Variants in MAJIN observed in about 807,000 individuals in gnomAD.
MAJIN encodes the protein membrane-anchored junction protein.
In MAJIN, 27 loss-of-function variants were observed where a neutral mutation model predicts 30.2. The ratio of observed to expected loss-of-function variants is 0.89; its 90% CI spans 0.66 to 1.23. The LOEUF (loss-of-function observed/expected upper bound fraction) is 1.23. MAJIN is among the 50% of genes most tolerant of loss of function. The pLI, the probability that MAJIN is intolerant of heterozygous loss-of-function variation, is 0.00. For synonymous variants in MAJIN, 78 were observed against 91.6 expected (o/e 0.85, Z 0.85); for missense variants, 253 against 260.3 (o/e 0.97, Z 0.19).
intron 5 of MAJIN, 90 bp downstream of exon 5, chr11:64,950,265 G>A: frequency 9.1e-7 from 1 of 1,097,870 alleles, no homozygotes; most frequent in Non-Finnish European, 1.3e-6. Context: ...GGGAGGCTGA[G>A]GTTGCAGTGA....
At chr11:64,958,537 T>C (rs1017199984) in intron 3 of MAJIN, among the ~76,000 whole-genome samples, 18 of 145,780 alleles carry the variant, frequency 1.2e-4, no homozygotes, top group Non-Finnish European at 2.5e-4. Flanking sequence ...GAGGATCCCT[T>C]GAGCCCAGCA....
Position 64,947,363 on chromosome 11 carries a change from A to C in MAJIN, c.473+11T>G. The C allele has an allele frequency of 6.2e-7, 1 of 1,606,556 alleles. No individual in the cohort carries two copies. Among genetic ancestry groups the C allele is most frequent in the East Asian group, 2.2e-5 (1 of 44,712 alleles). ...GACGCAGGAGCGAGCCTCTCTCCCC[A>C]CACCACTGACCTGTCCAGCCCTGGC... is the stretch of plus-strand genomic sequence containing the variant. On this transcript the variant is annotated intron_variant, in intron 8 of 10. Coordinates refer to ENST00000301896, the MANE Select transcript of MAJIN (RefSeq NM_001037225.3).
At chr11:64,950,703 T>A (rs1223120088) in intron 4 of MAJIN, among the ~76,000 whole-genome samples, 1 of 152,064 alleles carries the variant, frequency 6.6e-6, no homozygotes, top group Admixed American at 6.6e-5. Context: ...CACCTCAGCC[T>A]CCCCAGTAAC....
chr11:64,940,335 C>G (rs1254725095), intron 9 of MAJIN, among the ~76,000 whole-genome samples: 2 of 152,160 alleles, frequency 1.3e-5, no homozygotes, highest in Non-Finnish European at 2.9e-5. Context: ...ACTTCACTAT[C>G]AGAAGCAGAG....
At chr11:64,969,475 A>C (rs1590711195) in intron 1 of MAJIN, among the ~76,000 whole-genome samples, 2 of 150,778 alleles carry the variant, frequency 1.3e-5, no homozygotes, top group African/African-American at 4.9e-5. Flanking sequence ...AAACGACATG[A>C]CCAGATGGCT....
intron 10 of MAJIN, among the ~76,000 whole-genome samples, chr11:64,939,205 C>G (rs963627781): frequency 1.3e-5 from 2 of 152,202 alleles, no homozygotes; most frequent in African/African-American, 4.8e-5. Context: ...TCAAGCGATT[C>G]TCCTGCCTCA....
intron 3 of MAJIN, among the ~76,000 whole-genome samples, chr11:64,955,322 G>GAA (rs35508935): frequency 2.0e-5 from 3 of 150,582 alleles, no homozygotes; most frequent in Non-Finnish European, 3.0e-5. Flanking sequence ...TGAGGAAGCA[G>GAA]AAAAAAAAAG....
chr11:64,952,054 A>AT (rs1314675308), intron 4 of MAJIN, among the ~76,000 whole-genome samples: 1 of 151,800 alleles, frequency 6.6e-6, no homozygotes, highest in Non-Finnish European at 1.5e-5. Context: ...CGCCCAGCTA[A>AT]TTTTTTGTAT....
chr11:64,942,820 ATGATTCTTACAAATT>A lies in MAJIN; in HGVS notation c.474-2189_474-2175del, dbSNP rs540638501. Among the ~76,000 whole-genome samples, 379 of 152,294 alleles carry A rather than the reference ATGATTCTTACAAATT, an allele frequency of 2.5e-3. 1 individual carries two copies. The highest frequency in any genetic ancestry group is 8.4e-3 in the African/African-American group (348 of 41,560). ...AAGCTCTGGTTTCTGGTTTGAGGGA[ATGATTCTTACAAATT>A]TAATGAAACTATGGTTTGGGGCTTT... On this transcript the variant is annotated intron_variant, in intron 8 of 10. Coordinates refer to ENST00000301896, the MANE Select transcript of MAJIN (RefSeq NM_001037225.3).
intron 1 of MAJIN, among the ~76,000 whole-genome samples, chr11:64,965,464 TAA>T (rs1162701190): frequency 1.2e-4 from 16 of 138,730 alleles, no homozygotes; most frequent in Admixed American, 1.1e-3. Flanking sequence ...TCTTTGCACT[TAA>T]GTTACTCTTA....
intron 3 of MAJIN, among the ~76,000 whole-genome samples, chr11:64,957,579 T>C (rs1054689878): frequency 6.6e-6 from 1 of 152,008 alleles, no homozygotes; most frequent in African/African-American, 2.4e-5. Context: ...AATTTTTTTA[T>C]TTTTAGTAGA....
chr11:64,941,440 G>A (rs528215923), intron 8 of MAJIN, among the ~76,000 whole-genome samples: 30 of 152,216 alleles, frequency 2.0e-4, no homozygotes, highest in African/African-American at 3.9e-4. Context: ...TGGATCATCC[G>A]AGGTCAGCAG....
chr11:64,945,256 G>T (rs2136732105), intron 8 of MAJIN, among the ~76,000 whole-genome samples: 1 of 152,220 alleles, frequency 6.6e-6, no homozygotes, highest in East Asian at 1.9e-4. Context: ...TACTCGGGAG[G>T]CTGAGGCAGG....
chr11:64,962,970 T>A (rs1032911097), intron 1 of MAJIN, among the ~76,000 whole-genome samples: 27 of 152,064 alleles, frequency 1.8e-4, no homozygotes, highest in African/African-American at 6.3e-4. Flanking sequence ...CTACTAAAAA[T>A]ACAAAAATTG....
At chr11:64,960,887 T>G (rs749721901) in intron 1 of MAJIN, among the ~76,000 whole-genome samples, 1 of 152,152 alleles carries the variant, frequency 6.6e-6, no homozygotes, top group Non-Finnish European at 1.5e-5. Context: ...TAGAATGACA[T>G]GAGTGGAGCC....
intron 3 of MAJIN, among the ~76,000 whole-genome samples, chr11:64,958,661 T>C (rs1945674803): frequency 6.8e-6 from 1 of 148,016 alleles, no homozygotes; most frequent in Non-Finnish European, 1.5e-5. Flanking sequence ...AATATATATA[T>C]ATTTTGAGAT....
At chr11:64,950,555 A>G (rs1458978923) in intron 4 of MAJIN, 125 bp from the exon 5 acceptor site, 6 of 765,324 alleles carry the variant, frequency 7.8e-6, no homozygotes, top group Non-Finnish European at 1.3e-5. Context: ...TTCCTTTAAC[A>G]CGTGTTCTGA....
chr11:64,938,702 G>A, intron 10 of MAJIN, 129 bp from the exon 11 acceptor site: 1 of 1,013,654 alleles, frequency 9.9e-7, no homozygotes, highest in South Asian at 1.4e-5. Context: ...ATTCAAGACT[G>A]AATAGCATTT....
At chr11:64,958,588 T>A (rs1221315687) in intron 3 of MAJIN, among the ~76,000 whole-genome samples, 1 of 133,574 alleles carries the variant, frequency 7.5e-6, no homozygotes, top group Non-Finnish European at 1.6e-5. Flanking sequence ...TGTGAAACCC[T>A]GTCTTGGGAG....
Sources: allele counts gnomAD v4.1 joint callset (sites outside exome capture counted in the v4.1 genomes callset), GRCh38; gene constraint gnomAD v4.1.1; transcripts MANE v1.5; gene names NCBI Gene and HGNC (gene_info 2026-07-23, HGNC 2026-07-21).